Variants in DMD observed in about 807,000 individuals in gnomAD.
DMD encodes mutant dystrophin.
DMD carries 63 observed loss-of-function variants against 330.1 expected under a neutral mutation model. The observed-to-expected ratio is 0.19, with a 90% CI of 0.16 to 0.24. The LOEUF (loss-of-function observed/expected upper bound fraction) is 0.24. Ranked by LOEUF, DMD falls within the 10% of genes least tolerant of loss-of-function variation. The pLI is 1.00. For missense variants in DMD, 3,344 were observed against 2,684.1 expected (o/e 1.25, Z -5.43); for synonymous variants, 1,223 against 959.8 (o/e 1.27, Z -5.07).
chrX:32,615,137 A>T (rs2057465303), intron 11 of DMD, among the ~76,000 whole-genome samples: 1 of 111,183 alleles, frequency 9.0e-6, no homozygotes, highest in Admixed American at 9.6e-5. Flanking sequence ...GTAATATAAA[A>T]ACAACCTGGC....
chrX:32,345,874 CATTAT>C, intron 39 of DMD, 64 bp downstream of exon 39: 4 of 1,117,429 alleles, frequency 3.6e-6, no homozygotes, highest in Admixed American at 4.5e-5. Flanking sequence ...TATTAATGCA[CATTAT>C]ATTTTACCCT....
At position 32,085,618 on chromosome X, in the gene DMD, G is replaced by GTATATATATGTGTATATATATACGTA. The variant is rs1569541159; in HGVS notation, c.6439-117105_6439-117104insTACGTATATATATACACATATATATA. Among the ~76,000 whole-genome samples, 538 of 77,783 alleles carry GTATATATATGTGTATATATATACGTA rather than the reference G, an allele frequency of 6.9e-3. 20 individuals carry two copies. The highest frequency in any genetic ancestry group is 0.024 in the African/African-American group (504 of 21,032). The allele number at this position is 77,783 out of a possible 115,157, so 67.5% of individuals were successfully genotyped here. On this transcript the variant is annotated intron_variant, in intron 44 of 78. Transcript: ENST00000357033. ...TATGTATATATGTGTATATATATAC[G>GTATATATATGTGTATATATATACGTA]TATATATATACACATATATACGTAT...
chrX:31,216,571 A>G (rs1277188281), intron 64 of DMD, among the ~76,000 whole-genome samples: 3 of 112,252 alleles, frequency 2.7e-5, no homozygotes, highest in Non-Finnish European at 5.6e-5. Context: ...GGACAGTGGC[A>G]AAATAATTAC....
intron 55 of DMD, among the ~76,000 whole-genome samples, chrX:31,576,128 C>T (rs903944989): frequency 2.7e-5 from 3 of 111,887 alleles, no homozygotes; most frequent in Non-Finnish European, 5.6e-5. Context: ...ATTTTAAATA[C>T]CCATAGTACA....
intron 60 of DMD, among the ~76,000 whole-genome samples, chrX:31,438,779 AAAAG>A (rs1203351392): frequency 1.8e-5 from 2 of 111,404 alleles, no homozygotes; most frequent in Admixed American, 1.9e-4. Flanking sequence ...TAAAAAACAA[AAAAG>A]AAAGATATGA....
intron 55 of DMD, among the ~76,000 whole-genome samples, chrX:31,594,786 A>G (rs1230597281): frequency 1.8e-5 from 2 of 110,754 alleles, no homozygotes; most frequent in Non-Finnish European, 3.8e-5. Context: ...TGAGACCCAC[A>G]CTCAGTAGGT....
intron 51 of DMD, among the ~76,000 whole-genome samples, chrX:31,751,857 G>T (rs2088604438): frequency 8.9e-6 from 1 of 112,054 alleles, no homozygotes; most frequent in African/African-American, 3.2e-5. Context: ...AATTTTGGAG[G>T]TCCAAAGTCC....
chrX:32,606,684 A>G (rs1246035679), intron 12 of DMD, among the ~76,000 whole-genome samples: 2 of 108,048 alleles, frequency 1.9e-5, no homozygotes, highest in African/African-American at 6.7e-5. Flanking sequence ...TGGATAAAGA[A>G]AATGTGATAT....
chrX:32,410,293 T>C lies in DMD; in HGVS notation c.4233+1459A>G, dbSNP rs771386406. On this transcript the variant is annotated intron_variant, in intron 30 of 78. Coordinates refer to ENST00000357033, the MANE Select transcript of DMD (RefSeq NM_004006.3). ...TCAGGATTCTCCCCAAAATTCTCTTTCTTCATCCACTATTGCAATTGTATG... is the reference window on the plus strand; with the variant it reads ...TCAGGATTCTCCCCAAAATTCTCTTCCTTCATCCACTATTGCAATTGTATG... 2.0e-4 allele frequency among the ~76,000 whole-genome samples: 22 copies of C among 111,684 alleles called. No individual in the cohort carries two copies. The South Asian group carries it at 3.0e-3, about 15-fold the overall frequency.
intron 47 of DMD, among the ~76,000 whole-genome samples, chrX:31,878,763 A>T (rs2094007471): frequency 8.9e-6 from 1 of 112,424 alleles, no homozygotes; most frequent in South Asian, 3.7e-4. Flanking sequence ...AAGCATGAAC[A>T]GAAGCTTAGC....
chrX:31,954,701 G>A (rs892753549), intron 45 of DMD, among the ~76,000 whole-genome samples: 8 of 110,630 alleles, frequency 7.2e-5, no homozygotes, highest in Non-Finnish European at 1.5e-4. Context: ...TCTCATGAAA[G>A]TAGACACTAC....
At chrX:32,528,175 G>A (rs1313519912) in intron 17 of DMD, among the ~76,000 whole-genome samples, 1 of 110,892 alleles carries the variant, frequency 9.0e-6, no homozygotes, top group Admixed American at 9.6e-5. Flanking sequence ...CAGCTGTGGT[G>A]GTGGGCACCT....
chrX:33,307,885 C>G (rs1040455557), intron 1 of DMD, among the ~76,000 whole-genome samples: 1 of 111,302 alleles, frequency 9.0e-6, no homozygotes, highest in African/African-American at 3.3e-5. Flanking sequence ...TCAAAAGTTA[C>G]TCATCCAAAA....
chrX:31,323,185 A>G (rs1262460517), intron 62 of DMD, among the ~76,000 whole-genome samples: 3 of 112,026 alleles, frequency 2.7e-5, no homozygotes, highest in Non-Finnish European at 5.6e-5. Context: ...TGTAGTATTC[A>G]TTCACCCAAA....
At chrX:32,729,678 G>T (rs190637162) in intron 7 of DMD, among the ~76,000 whole-genome samples, 1 of 111,897 alleles carries the variant, frequency 8.9e-6, no homozygotes, top group East Asian at 2.8e-4. Context: ...CATAGATGAA[G>T]AAGTGTATAT....
chrX:32,814,925 A>G (rs1043458526), intron 6 of DMD, among the ~76,000 whole-genome samples: 5 of 111,307 alleles, frequency 4.5e-5, no homozygotes, highest in African/African-American at 1.6e-4. Flanking sequence ...CAAAATCAAT[A>G]TTTTCGGGCC....
At chrX:32,546,576 A>C (rs1299465285) in intron 16 of DMD, among the ~76,000 whole-genome samples, 2 of 111,628 alleles carry the variant, frequency 1.8e-5, no homozygotes, top group Non-Finnish European at 1.9e-5. Flanking sequence ...ATGATGTCTT[A>C]AGTAAAAATT....
In DMD at chrX:31,478,086, A is replaced by G; in HGVS notation, c.8937+20T>C. The G allele has an allele frequency of 8.3e-7, 1 of 1,208,840 alleles. No individual in the cohort carries two copies. The highest frequency in any genetic ancestry group is 1.1e-6 in the Non-Finnish European group (1 of 894,502). ...TTTTGAGTCTCTCAAAGGGCCCTGA[A>G]GCAAAGAAGTAGACGGTACCTTGAC... On this transcript the variant is annotated intron_variant, in intron 59 of 78. Coordinates refer to ENST00000357033, the MANE Select transcript of DMD (RefSeq NM_004006.3).
chrX:31,623,213 TAATC>T (rs998763252), intron 55 of DMD, among the ~76,000 whole-genome samples: 37 of 111,303 alleles, frequency 3.3e-4, no homozygotes, highest in African/African-American at 1.1e-3. Flanking sequence ...TCTTCAGAAT[TAATC>T]CGTGCGCCAA....
Sources: allele counts gnomAD v4.1 joint callset (sites outside exome capture counted in the v4.1 genomes callset), GRCh38; gene constraint gnomAD v4.1.1; transcripts MANE v1.5; gene names NCBI Gene and HGNC (gene_info 2026-07-23, HGNC 2026-07-21).